Variants in CNTNAP2 observed in about 807,000 individuals in gnomAD.
CNTNAP2 encodes the protein contactin associated protein 2, also known as contactin-associated protein-like 2.
Under a neutral mutation model 155.2 loss-of-function variants are expected in CNTNAP2, and 98 were observed. The ratio of observed to expected loss-of-function variants is 0.63; its 90% CI spans 0.54 to 0.75. CNTNAP2 has a LOEUF of 0.75. Among genes scored for constraint, CNTNAP2 ranks in the 30% least tolerant of loss-of-function variants. CNTNAP2 has a pLI of 0.00. For missense variants in CNTNAP2, 1,727 were observed against 1,688.1 expected, an observed-to-expected ratio of 1.02 and a Z score of -0.40; for synonymous variants, 651 against 631.2, an observed-to-expected ratio of 1.03 and a Z score of -0.47.
chr7:146,401,794 A>G (rs1236091166), intron 1 of CNTNAP2, among the ~76,000 whole-genome samples: 5 of 152,162 alleles, frequency 3.3e-5, no homozygotes. Flanking sequence ...TCTAGACAAA[A>G]CAGTGTAATT....
chr7:148,091,861 G>A lies in CNTNAP2; in HGVS notation c.2384-26257G>A, dbSNP rs112020575. 4.1e-3 allele frequency among the ~76,000 whole-genome samples: 628 copies of A among 152,264 alleles called. 5 individuals are homozygous for A. The highest frequency in any genetic ancestry group is 0.015 in the African/African-American group (613 of 41,554). ...CTTCCCTGACTGCTTGGAAATTGAT[G>A]TATTTATGACATGAAGAAGTTAAAA... is the stretch of plus-strand genomic sequence containing the variant. On this transcript the variant is annotated intron_variant, in intron 15 of 23. Transcript: ENST00000361727.
intron 1 of CNTNAP2, among the ~76,000 whole-genome samples, chr7:146,543,238 A>G (rs1266395776): frequency 6.6e-6 from 1 of 151,936 alleles, no homozygotes; most frequent in African/African-American, 2.4e-5. Flanking sequence ...CTAATGTTCA[A>G]CCAAATATGA....
chr7:146,943,106 A>T (rs941675459), intron 3 of CNTNAP2, among the ~76,000 whole-genome samples: 2 of 152,214 alleles, frequency 1.3e-5, no homozygotes, highest in Non-Finnish European at 2.9e-5. Flanking sequence ...TTGACTCCTA[A>T]AAAACATTAT....
At chr7:146,388,690 G>GT (rs1296321399) in intron 1 of CNTNAP2, among the ~76,000 whole-genome samples, 5 of 152,120 alleles carry the variant, frequency 3.3e-5, no homozygotes, top group Non-Finnish European at 7.4e-5. Flanking sequence ...CTATCAAATA[G>GT]TAGGTCTTAT....
At chr7:147,994,752 G>A (rs978933285) in intron 15 of CNTNAP2, among the ~76,000 whole-genome samples, 6 of 152,114 alleles carry the variant, frequency 3.9e-5, no homozygotes, top group Non-Finnish European at 8.8e-5. Context: ...GCCCAGTCTT[G>A]GGTATGTCTT....
At chr7:147,531,982 T>C (rs1799441875) in intron 11 of CNTNAP2, among the ~76,000 whole-genome samples, 1 of 151,954 alleles carries the variant, frequency 6.6e-6, no homozygotes, top group African/African-American at 2.4e-5. Context: ...AATTTTTTTG[T>C]ATTTTTAGTA....
At chr7:147,874,157 C>T (rs1449339744) in intron 13 of CNTNAP2, among the ~76,000 whole-genome samples, 1 of 152,146 alleles carries the variant, frequency 6.6e-6, no homozygotes, top group Non-Finnish European at 1.5e-5. Flanking sequence ...AGTGGATCTA[C>T]CATTCTGGGG....
At chr7:147,753,001 A>T (rs1797161383) in intron 13 of CNTNAP2, among the ~76,000 whole-genome samples, 1 of 152,150 alleles carries the variant, frequency 6.6e-6, no homozygotes, top group African/African-American at 2.4e-5. Context: ...TACTATGATA[A>T]ATGTAGTGTT....
intron 16 of CNTNAP2, among the ~76,000 whole-genome samples, chr7:148,119,032 C>G (rs1585135499): frequency 6.6e-6 from 1 of 152,062 alleles, no homozygotes; most frequent in Non-Finnish European, 1.5e-5. Context: ...ACATCAGGGC[C>G]CCAATTCAGC....
intron 21 of CNTNAP2, among the ~76,000 whole-genome samples, chr7:148,321,453 C>T (rs187052533): frequency 1.3e-3 from 199 of 152,262 alleles, no homozygotes; most frequent in Middle Eastern, 3.4e-3. Context: ...CTGAGTTTTT[C>T]CAAAGCAGAA....
chr7:147,376,968 A>C (rs1796445294), intron 9 of CNTNAP2, among the ~76,000 whole-genome samples: 1 of 151,842 alleles, frequency 6.6e-6, no homozygotes, highest in African/African-American at 2.4e-5. Context: ...CAATTCTTTT[A>C]CTTTCAAATT....
intron 1 of CNTNAP2, among the ~76,000 whole-genome samples, chr7:146,622,573 CCAACTATAAT>C (rs1585011524): frequency 6.6e-6 from 1 of 151,920 alleles, no homozygotes; most frequent in African/African-American, 2.4e-5. Flanking sequence ...ATTGATGTAT[CCAACTATAAT>C]CAACTATAAT....
At chr7:146,167,634 G>A (rs1199048163) in intron 1 of CNTNAP2, among the ~76,000 whole-genome samples, 1 of 152,170 alleles carries the variant, frequency 6.6e-6, no homozygotes, top group African/African-American at 2.4e-5. Context: ...GCTTTTCAAA[G>A]ATACAAGGAA....
At chr7:147,960,783 CTCTT>C (rs1425101875) in intron 14 of CNTNAP2, among the ~76,000 whole-genome samples, 2 of 152,066 alleles carry the variant, frequency 1.3e-5, no homozygotes, top group East Asian at 1.9e-4. Context: ...ATTACCTAGG[CTCTT>C]TCTTTCTCCT....
At chr7:148,243,197 G>T (rs939615841) in intron 20 of CNTNAP2, among the ~76,000 whole-genome samples, 3 of 152,118 alleles carry the variant, frequency 2.0e-5, no homozygotes, top group Non-Finnish European at 4.4e-5. Flanking sequence ...CCACTCCACC[G>T]ATCTGACTCC....
rs550371664 is a variant in CNTNAP2, at chr7:148,063,300, G to GT, written c.2384-54815dup. Among the ~76,000 whole-genome samples, 38 of 152,008 alleles carry GT rather than the reference G, an allele frequency of 2.5e-4. No homozygotes were observed. The South Asian group carries it at 7.9e-3, about 32-fold the overall frequency. ...TGGCCTTATGATATACCTCAGTGTA[G>GT]TTTCTTCCATTCATGTTTTAATTTA... is the stretch of plus-strand genomic sequence containing the variant. On this transcript the variant is annotated intron_variant, in intron 15 of 23. Coordinates refer to ENST00000361727, the MANE Select transcript of CNTNAP2 (RefSeq NM_014141.6).
At chr7:146,189,946 G>A (rs538463203) in intron 1 of CNTNAP2, among the ~76,000 whole-genome samples, 16 of 152,010 alleles carry the variant, frequency 1.1e-4, no homozygotes, top group Admixed American at 9.8e-4. Context: ...TGTTTCTTTT[G>A]CACATGATCC....
intron 11 of CNTNAP2, among the ~76,000 whole-genome samples, chr7:147,505,260 GAAATC>G (rs1798886766): frequency 1.3e-5 from 2 of 152,092 alleles, no homozygotes. Context: ...TGTTGGGAAA[GAAATC>G]AATATTTGCC....
chr7:146,564,391 G>A (rs1798325486), intron 1 of CNTNAP2, among the ~76,000 whole-genome samples: 1 of 151,688 alleles, frequency 6.6e-6, no homozygotes, highest in East Asian at 1.9e-4. Flanking sequence ...TCTGTCGGTT[G>A]AGTTACAGAG....
Sources: allele counts gnomAD v4.1 joint callset (sites outside exome capture counted in the v4.1 genomes callset), GRCh38; gene constraint gnomAD v4.1.1; transcripts MANE v1.5; gene names NCBI Gene and HGNC (gene_info 2026-07-23, HGNC 2026-07-21).